Variants in PTPRU observed in about 807,000 individuals in gnomAD.
The protein encoded by PTPRU is protein tyrosine phosphatase receptor type U.
PTPRU carries 69 observed loss-of-function variants against 166.3 expected under a neutral mutation model. The observed-to-expected ratio is 0.41, with a 90% CI of 0.34 to 0.51. PTPRU has a LOEUF of 0.51. PTPRU is among the 20% of genes least tolerant of loss of function. The pLI is 0.09. For synonymous variants in PTPRU, 793 were observed against 814.0 expected, an observed-to-expected ratio of 0.97 and a Z score of 0.44; for missense variants, 1,657 against 2,013.7, an observed-to-expected ratio of 0.82 and a Z score of 3.39.
chr1:29,317,707 C>T lies in PTPRU; in HGVS notation c.3514-41C>T. The T allele has an allele frequency of 1.3e-6, 2 of 1,559,758 alleles. No individual in the cohort carries two copies. Among genetic ancestry groups the T allele is most frequent in the South Asian group, 1.2e-5 (1 of 85,226 alleles). The stretch of plus-strand genomic sequence containing the variant: ...TGGGGATGTGAGGAGGCCCAGCAAG[C>T]CCTGGACGTAACTCTCTGTCCCCAC... On this transcript the variant is annotated intron_variant, in intron 24 of 29. Transcript: ENST00000373779. The surrounding 1 kb of genome is among the most constrained non-coding windows in gnomAD (Gnocchi z 5.6).
At chr1:29,265,896 AT>A (rs2151947347) in intron 7 of PTPRU, among the ~76,000 whole-genome samples, 1 of 145,756 alleles carries the variant, frequency 6.9e-6, no homozygotes, top group East Asian at 2.0e-4. Flanking sequence ...TCACAGAACT[AT>A]TTTCAATTTT....
At chr1:29,293,781 G>A (rs1272763455) in intron 15 of PTPRU, among the ~76,000 whole-genome samples, 1 of 152,174 alleles carries the variant, frequency 6.6e-6, no homozygotes, top group South Asian at 2.1e-4. Context: ...GACTTTTGGG[G>A]GTAGTTTTAC....
At chr1:29,305,532 G>A (rs370623222) in intron 18 of PTPRU, 104 bp downstream of exon 18, 2 of 1,197,410 alleles carry the variant, frequency 1.7e-6, no homozygotes, top group Non-Finnish European at 2.5e-6. Flanking sequence ...GGTTCAAATG[G>A]CTGAGTTCGG....
At chr1:29,250,450 G>A (rs1448122524) in intron 1 of PTPRU, among the ~76,000 whole-genome samples, 1 of 152,232 alleles carries the variant, frequency 6.6e-6, no homozygotes, top group Non-Finnish European at 1.5e-5. Context: ...ATGGCCTTGA[G>A]TAAGCAGCTG....
chr1:29,258,410 C>A, intron 2 of PTPRU, 95 bp from the exon 3 acceptor site: 1 of 1,388,230 alleles, frequency 7.2e-7, no homozygotes, highest in Non-Finnish European at 9.8e-7. Flanking sequence ...TGGTGGGTCC[C>A]GTTGCCTGGA....
intron 7 of PTPRU, among the ~76,000 whole-genome samples, chr1:29,270,891 C>T (rs995469566): frequency 2.0e-5 from 3 of 152,120 alleles, no homozygotes; most frequent in Non-Finnish European, 4.4e-5. Flanking sequence ...ATTGAGACTG[C>T]AGTGAGCCAA....
At chr1:29,304,704 C>T (rs865793214) in intron 16 of PTPRU, 70 bp from the exon 17 acceptor site, 1 of 1,243,240 alleles carries the variant, frequency 8.0e-7, no homozygotes, top group Non-Finnish European at 1.1e-6. Flanking sequence ...CTACATCATC[C>T]CCACTGAGGG....
Position 29,237,255 on chromosome 1 carries a change from T to A in PTPRU, c.73+538T>A, listed in dbSNP as rs76204707. On this transcript the variant is annotated intron_variant, in intron 1 of 29. Transcript: ENST00000373779. This position sits in a 1 kb window ranked among gnomAD's most constrained non-coding sequence, Gnocchi z 6.4. Reference sequence around the variant, plus strand: ...GGCGTGTGTGCTTTTGAGATCCGTGTACATGTGTGAAGGCGTGGGAACGGG... The same window carrying A: ...GGCGTGTGTGCTTTTGAGATCCGTGAACATGTGTGAAGGCGTGGGAACGGG... Among the ~76,000 whole-genome samples the A allele has an allele frequency of 9.9e-5, 15 of 151,496 alleles. No individual in the cohort carries two copies. The East Asian group carries it at 2.9e-3, about 30-fold the overall frequency.
chr1:29,265,086 G>T (rs1685241258), intron 7 of PTPRU, among the ~76,000 whole-genome samples: 1 of 152,162 alleles, frequency 6.6e-6, no homozygotes, highest in African/African-American at 2.4e-5. Flanking sequence ...GTTTTTGCAT[G>T]AACATAACTT....
At chr1:29,246,016 G>T (rs1161342590) in intron 1 of PTPRU, among the ~76,000 whole-genome samples, 1 of 152,246 alleles carries the variant, frequency 6.6e-6, no homozygotes, top group African/African-American at 2.4e-5. Flanking sequence ...GCATCACACA[G>T]CATCTCTGTA....
chr1:29,288,578 GAGATGT>G (rs1686470801), intron 14 of PTPRU, among the ~76,000 whole-genome samples: 1 of 152,180 alleles, frequency 6.6e-6, no homozygotes, highest in South Asian at 2.1e-4. Flanking sequence ...TGGGATGGAG[GAGATGT>G]GCTCTGTGAC....
chr1:29,288,647 A>T, intron 14 of PTPRU, among the ~76,000 whole-genome samples: 1 of 151,814 alleles, frequency 6.6e-6, no homozygotes, highest in East Asian at 1.9e-4. Flanking sequence ...CCTCCCCTTC[A>T]TCTGCAGGAT....
At chr1:29,313,976 T>A (rs974014882) in intron 22 of PTPRU, among the ~76,000 whole-genome samples, 6 of 152,250 alleles carry the variant, frequency 3.9e-5, no homozygotes, top group Non-Finnish European at 8.8e-5. Flanking sequence ...ATCACTATTC[T>A]GACTTCTAAA....
rs981387161 is a variant in PTPRU, at chr1:29,252,757, T to A, written c.74-2518T>A. On this transcript the variant is annotated intron_variant, in intron 1 of 29. Transcript: ENST00000373779. ...GTTTGGGAAAAGCTCTCTCAAACGGTGTTTTTCCTCTGCCCTCCCACCACC... is the reference window on the plus strand; with the variant it reads ...GTTTGGGAAAAGCTCTCTCAAACGGAGTTTTTCCTCTGCCCTCCCACCACC... 3.9e-5 allele frequency among the ~76,000 whole-genome samples: 6 copies of A among 152,274 alleles called. No homozygotes were observed. The East Asian group carries it at 1.2e-3, about 29-fold the overall frequency.
intron 7 of PTPRU, among the ~76,000 whole-genome samples, chr1:29,267,162 C>G (rs1232620159): frequency 6.6e-6 from 1 of 152,120 alleles, no homozygotes; most frequent in African/African-American, 2.4e-5. Flanking sequence ...CCCAGGAGAT[C>G]AAGGCTGCAG....
rs141680370 is a variant in PTPRU at position 29,303,952 on chromosome 1, G to A, written c.2574G>A (p.Gly858=). 2 of 1,613,936 alleles carry A rather than the reference G, an allele frequency of 1.2e-6. No homozygotes were observed. Among genetic ancestry groups the A allele is most frequent in the Non-Finnish European group, 1.7e-6 (2 of 1,179,938 alleles). ...CGRKGSPYHT[G]QLHPAVRVAD... ...GGAAGGGCTCCCCATACCACACGGGGCAGCTGCACCCTGCGGTGCGTGTCG... is the reference window on the plus strand; with the variant it reads ...GGAAGGGCTCCCCATACCACACGGGACAGCTGCACCCTGCGGTGCGTGTCG... The change falls in exon 16 of 30, where the codon GGG becomes GGA. Residue 858 remains glycine (G), a synonymous_variant. Transcript: ENST00000373779.
chr1:29,261,051 T>A, intron 7 of PTPRU, 148 bp downstream of exon 7: 1 of 947,752 alleles, frequency 1.1e-6, no homozygotes, highest in Non-Finnish European at 1.5e-6. Context: ...AAGATAATGA[T>A]AGCTAATACT....
chr1:29,307,874 C>A (rs1309910324), intron 18 of PTPRU, among the ~76,000 whole-genome samples: 1 of 151,230 alleles, frequency 6.6e-6, no homozygotes, highest in East Asian at 1.9e-4. Flanking sequence ...GATTCTCCTG[C>A]CTCAGCCTCC....
At chr1:29,249,818 A>G (rs967991036) in intron 1 of PTPRU, among the ~76,000 whole-genome samples, 2 of 152,084 alleles carry the variant, frequency 1.3e-5, no homozygotes, top group African/African-American at 4.8e-5. Flanking sequence ...AGGATATATC[A>G]TTTATCTCAT....
Sources: gnomAD v4.1 joint callset for allele counts (sites outside exome capture counted in the v4.1 genomes callset) on GRCh38, gnomAD v4.1.1 for gene constraint, Gnocchi (gnomAD v3.1) non-coding constraint, MANE v1.5 for transcripts, NCBI Gene and HGNC (gene_info 2026-07-23, HGNC 2026-07-21) for gene names.